ERI3: variants seen among roughly 807,000 people sequenced by gnomAD.
The protein encoded by ERI3 is ERI1 exoribonuclease 3.
In ERI3, 18 loss-of-function variants were observed where a neutral mutation model predicts 44.4. The observed-to-expected ratio is 0.41, with a 90% CI of 0.28 to 0.60. The LOEUF is 0.60. Among genes scored for constraint, ERI3 ranks in the 20% least tolerant of loss-of-function variants. ERI3 has a pLI of 0.36. For missense variants in ERI3, 294 were observed against 435.5 expected, an observed-to-expected ratio of 0.68 and a Z score of 2.89; for synonymous variants, 183 against 164.8, an observed-to-expected ratio of 1.11 and a Z score of -0.84.
intron 2 of ERI3, among the ~76,000 whole-genome samples, chr1:44,343,210 T>C (rs868698861): frequency 3.3e-5 from 5 of 152,106 alleles, no homozygotes; most frequent in Non-Finnish European, 5.9e-5. Flanking sequence ...ATGATAGTAA[T>C]GGATTATAAT....
At chr1:44,337,980 A>G (rs1344295784) in intron 3 of ERI3, among the ~76,000 whole-genome samples, 1 of 152,192 alleles carries the variant, frequency 6.6e-6, no homozygotes, top group Non-Finnish European at 1.5e-5. Flanking sequence ...CAATGCACCA[A>G]CACTACAATG....
At chr1:44,242,083 G>A in intron 8 of ERI3, 5 of 985,518 alleles carry the variant, frequency 5.1e-6, no homozygotes, top group South Asian at 9.4e-5. Flanking sequence ...TGCAGACCCT[G>A]TCAATGATGG....
chr1:44,242,080 C>G, intron 8 of ERI3: 9 of 985,534 alleles, frequency 9.1e-6, no homozygotes, highest in Non-Finnish European at 1.1e-5. Context: ...CAGTGCAGAC[C>G]CTGTCAATGA....
intron 7 of ERI3, among the ~76,000 whole-genome samples, chr1:44,253,246 G>C (rs139591237): frequency 2.6e-5 from 4 of 152,318 alleles, no homozygotes; most frequent in Admixed American, 6.5e-5. Flanking sequence ...ATGCCTCATA[G>C]AAAGGCTCAG....
intron 6 of ERI3, among the ~76,000 whole-genome samples, chr1:44,285,745 T>A (rs1481641917): frequency 6.6e-6 from 1 of 152,102 alleles, no homozygotes; most frequent in Non-Finnish European, 1.5e-5. Flanking sequence ...TTCAGAGGTA[T>A]GGGCAATGAA....
rs1644086491 is a variant in ERI3 at position 44,228,036 on chromosome 1, A to C, written c.932-6396T>G. On this transcript the variant is annotated intron_variant, in intron 8 of 8. Coordinates refer to ENST00000372257, the MANE Select transcript of ERI3 (RefSeq NM_024066.3). This position sits in a 1 kb window ranked among gnomAD's most constrained non-coding sequence, Gnocchi z 4.3. Reference sequence around the variant, plus strand: ...CCAACAATAAATTCCTGATATCCCCACCCCCCAGTTCCTTGTCTCAGACAT... The same window carrying C: ...CCAACAATAAATTCCTGATATCCCCCCCCCCCAGTTCCTTGTCTCAGACAT... Among the ~76,000 whole-genome samples, 1 of 150,490 alleles carries C rather than the reference A, an allele frequency of 6.6e-6. No individual in the cohort carries two copies. Among genetic ancestry groups the C allele is most frequent in the Non-Finnish European group, 1.5e-5 (1 of 67,650 alleles).
intron 8 of ERI3, among the ~76,000 whole-genome samples, chr1:44,239,155 A>T (rs1352125880): frequency 6.6e-6 from 1 of 151,926 alleles, no homozygotes; most frequent in Admixed American, 6.6e-5. Flanking sequence ...TCTAACTGCT[A>T]TTCTTAGCTA....
At chr1:44,320,484 G>A (rs948853530) in intron 3 of ERI3, among the ~76,000 whole-genome samples, 3 of 152,046 alleles carry the variant, frequency 2.0e-5, no homozygotes, top group African/African-American at 7.2e-5. Context: ...GTCCTGGTGT[G>A]CAAACAGGCT....
intron 6 of ERI3, among the ~76,000 whole-genome samples, chr1:44,296,651 A>G (rs927267078): frequency 1.3e-5 from 2 of 152,198 alleles, no homozygotes; most frequent in Non-Finnish European, 2.9e-5. Flanking sequence ...GGCAGAGAGT[A>G]AATCAGAAAA....
intron 6 of ERI3, among the ~76,000 whole-genome samples, chr1:44,295,480 CA>C (rs1645591533): frequency 6.6e-6 from 1 of 152,164 alleles, no homozygotes; most frequent in Non-Finnish European, 1.5e-5. Context: ...ACAGTACTTA[CA>C]GGGCCCAGAG....
At chr1:44,231,667 A>C (rs1644187626) in intron 8 of ERI3, among the ~76,000 whole-genome samples, 1 of 152,018 alleles carries the variant, frequency 6.6e-6, no homozygotes, top group Non-Finnish European at 1.5e-5. Context: ...CTGATGATGT[A>C]CCCAACAGCC....
chr1:44,307,539 A>T (rs1303256240), intron 6 of ERI3, among the ~76,000 whole-genome samples: 3 of 152,046 alleles, frequency 2.0e-5, no homozygotes, highest in African/African-American at 7.2e-5. Context: ...CCTCCATCCC[A>T]CTTCGGTTCC....
chr1:44,234,050 G>T (rs1644248317), intron 8 of ERI3, among the ~76,000 whole-genome samples: 1 of 151,914 alleles, frequency 6.6e-6, no homozygotes, highest in Non-Finnish European at 1.5e-5. Context: ...AATTCTCCTT[G>T]GTTCCTTTGA....
intron 2 of ERI3, among the ~76,000 whole-genome samples, chr1:44,349,996 T>G (rs1646857892): frequency 6.6e-6 from 1 of 152,202 alleles, no homozygotes; most frequent in Admixed American, 6.5e-5. Context: ...CCTTGACATA[T>G]ACCATCATAC....
intron 2 of ERI3, 133 bp from the exon 3 acceptor site, chr1:44,339,455 T>C (rs1458669284): frequency 6.5e-6 from 6 of 925,670 alleles, no homozygotes; most frequent in Non-Finnish European, 9.1e-6. Flanking sequence ...CCACGCAACA[T>C]GGGCCACTCC....
chr1:44,286,751 G>T (rs1470512597), intron 6 of ERI3, among the ~76,000 whole-genome samples: 1 of 152,044 alleles, frequency 6.6e-6, no homozygotes, highest in African/African-American at 2.4e-5. Context: ...TCTACCCATG[G>T]GTCCAAAGTA....
At chr1:44,262,099 G>C (rs1036232599) in intron 7 of ERI3, among the ~76,000 whole-genome samples, 2 of 152,150 alleles carry the variant, frequency 1.3e-5, no homozygotes, top group African/African-American at 4.8e-5. Context: ...GGTGAAAGTA[G>C]GTGTCCCTCA....
chr1:44,348,017 A>G (rs899676045), intron 2 of ERI3, among the ~76,000 whole-genome samples: 3 of 152,152 alleles, frequency 2.0e-5, no homozygotes, highest in Non-Finnish European at 4.4e-5. Context: ...AGCACCCAGC[A>G]CAGGACCAGG....
At chr1:44,297,798 C>T (rs1645641506) in intron 6 of ERI3, among the ~76,000 whole-genome samples, 1 of 152,238 alleles carries the variant, frequency 6.6e-6, no homozygotes, top group Non-Finnish European at 1.5e-5. Flanking sequence ...ACTCACCTTA[C>T]AGGCATGGAA....
Sources: allele counts gnomAD v4.1 joint callset (sites outside exome capture counted in the v4.1 genomes callset), GRCh38; gene constraint gnomAD v4.1.1; non-coding constraint Gnocchi (gnomAD v3.1); transcripts MANE v1.5; gene names NCBI Gene and HGNC (gene_info 2026-07-23, HGNC 2026-07-21).